The following FUT1 variants were observed in gnomAD, a reference collection of about 807,000 sequenced individuals.
The protein encoded by FUT1 is galactoside alpha-(1,2)-fucosyltransferase 1.
For synonymous variants in FUT1, 215 were observed against 208.7 expected, an observed-to-expected ratio of 1.03 and a Z score of -0.26; for missense variants, 476 against 492.7, an observed-to-expected ratio of 0.97 and a Z score of 0.32.
At position 48,750,739 on chromosome 19, in the gene FUT1, G is replaced by A. The variant is rs2033985961; in HGVS notation, c.543C>T (p.Ile181=). The change falls in exon 2 of 2, where the codon ATC becomes ATT. Residue 181 remains isoleucine, a synonymous_variant. Coordinates refer to ENST00000645652, the MANE Select transcript of FUT1 (RefSeq NM_001384359.1). ...GGTCGTGCAGGGTGAACTCTCTGCG[G>A]ATCTGTTCCCGGAGATGGTGGAAGA... The part of the protein sequence containing the change: ...WTFFHHLREQ[I]RREFTLHDHL... The A allele has an allele frequency of 1.9e-6, 3 of 1,613,782 alleles. No homozygotes were observed. In the East Asian group the frequency reaches 6.7e-5, roughly 36 times the overall value.
chr19:48,751,359 G>A (rs2034001587), intron 1 of FUT1, 76 bp from the exon 2 acceptor site: 1 of 1,490,764 alleles, frequency 6.7e-7, no homozygotes, highest in Non-Finnish European at 9.2e-7. Context: ...GTGGGGTAAG[G>A]GAGGCGCCTG....
At position 48,752,396 on chromosome 19, in the gene FUT1, A is replaced by G; in HGVS notation, c.-3+94T>C. ...TGGCGGAGATTCCTAGGGCCTTAGG[A>G]AGACCTGGAGAAGAGGTTGGGGGTG... On this transcript the variant is annotated intron_variant, in intron 1 of 1. Coordinates refer to ENST00000645652, the MANE Select transcript of FUT1 (RefSeq NM_001384359.1). The surrounding 1 kb of genome is among the most constrained non-coding windows in gnomAD (Gnocchi z 4.3). 1.3e-6 allele frequency: 1 copy of G among 796,148 alleles called. No homozygotes were observed. The highest frequency in any genetic ancestry group is 1.5e-6 in the Non-Finnish European group (1 of 656,826). 49.3% of individuals were successfully genotyped at this position (796,148 alleles called of 1,614,324 possible).
rs150453456 is a variant in FUT1, at chr19:48,749,614, CAAA to C, written c.*567_*569del. 0.21 allele frequency: 22,225 copies of C among 105,592 alleles called. 1,636 individuals are homozygous for C. The highest frequency in any genetic ancestry group is 0.37 in the East Asian group (1,366 of 3,728). The allele number at this position is 105,592 out of a possible 1,614,324, so 6.5% of individuals were successfully genotyped here. On this transcript the variant is annotated 3_prime_UTR_variant, in exon 2 of 2. Transcript: ENST00000645652. ...GGGCAACAGAGCGAGACCCTGTCTC[CAAA>C]AAAAAAAAAAAAAAACTAAAAAGAT...
chr19:48,753,458 A>G (rs188201000), upstream of FUT1: 1 of 152,404 alleles, frequency 6.6e-6, no homozygotes, highest in East Asian at 1.9e-4. Context: ...ACCTAATTAA[A>G]GCATTTTCTC....
chr19:48,752,832 G>C, upstream of FUT1: 1 of 985,486 alleles, frequency 1.0e-6, no homozygotes, highest in Non-Finnish European at 1.2e-6. This position sits in a 1 kb window ranked among gnomAD's most constrained non-coding sequence, Gnocchi z 4.3. Context: ...GCAGGGGACC[G>C]CGCCCTGCCC....
rs752422438 is a variant in FUT1, at chr19:48,750,203, C to CAG, written c.1077_1078dup (p.Trp360SerfsTer16). 1 of 1,610,334 alleles carries CAG rather than the reference C, an allele frequency of 6.2e-7. No homozygotes were observed. Among genetic ancestry groups the CAG allele is most frequent in the African/African-American group, 1.3e-5 (1 of 74,842 alleles). ...TGGCTCTCAAGGCTTAGCCAATGTC[C>CAG]AGAGTGGAGACAAGTCTGCATTAAT... On this transcript the variant is annotated frameshift_variant, in exon 2 of 2. Coordinates refer to ENST00000645652, the MANE Select transcript of FUT1 (RefSeq NM_001384359.1). LOFTEE classifies it low-confidence loss of function (END_TRUNC).
chr19:48,749,938 T>A lies in FUT1; in HGVS notation c.*246A>T, dbSNP rs1188662323. ...GTAGATATGGGCTGGGAAGAGCAGG[T>A]GGGCACTGTGGCTTCTAGAACTGCC... On this transcript the variant is annotated 3_prime_UTR_variant, in exon 2 of 2. Transcript: ENST00000645652. 1 of 555,172 alleles carries A rather than the reference T, an allele frequency of 1.8e-6. No individual in the cohort carries two copies. The allele number at this position is 555,172 out of a possible 1,614,324, so 34.4% of individuals were successfully genotyped here.
Position 48,751,201 on chromosome 19 carries a change from G to A in FUT1, c.81C>T (p.Ile27=), listed in dbSNP as rs757919547. Residue 27 remains isoleucine, a synonymous_variant, in exon 2 of 2, where the codon ATC becomes ATT. Coordinates refer to ENST00000645652, the MANE Select transcript of FUT1 (RefSeq NM_001384359.1). ...CVLSVIFFLH[I]HQDSFPHGLG... ...GGCCATGTGGAAAGCTGTCTTGATGGATATGGAGGAAGAAGATTACAGAGA... is the reference window on the plus strand; with the variant it reads ...GGCCATGTGGAAAGCTGTCTTGATGAATATGGAGGAAGAAGATTACAGAGA... 6.2e-7 allele frequency: 1 copy of A among 1,614,206 alleles called. No homozygotes were observed. Among genetic ancestry groups the A allele is most frequent in the Non-Finnish European group, 8.5e-7 (1 of 1,180,036 alleles).
Position 48,752,537 on chromosome 19 carries a change from G to A in FUT1, c.-50C>T, listed in dbSNP as rs1006387825. 1.0e-6 allele frequency: 1 copy of A among 985,452 alleles called. No homozygotes were observed. Among genetic ancestry groups the A allele is most frequent in the South Asian group, 4.7e-5 (1 of 21,294 alleles). The allele number at this position is 985,452 out of a possible 1,614,324, so 61.0% of individuals were successfully genotyped here. A position where few individuals can be genotyped will look rare whatever the true frequency, so the allele number is the denominator to read the frequency against. On this transcript the variant is annotated 5_prime_UTR_variant, in exon 1 of 2. Coordinates refer to ENST00000645652, the MANE Select transcript of FUT1 (RefSeq NM_001384359.1). This position sits in a 1 kb window ranked among gnomAD's most constrained non-coding sequence, Gnocchi z 4.3. ...ATCCACAGTCCGCTTTTCGTGGCCG[G>A]AGCGCACCCTCCGCAAAGGCAGGCC...
rs1568490644 is a variant in FUT1 at position 48,750,725 on chromosome 19, GTGAACTCTC to G, written c.548_556del (p.Arg183_Phe185del). The stretch of plus-strand genomic sequence containing the variant: ...CTCTTCCCGAAGGTGGTCGTGCAGG[GTGAACTCTC>G]TGCGGATCTGTTCCCGGAGATGGTG... On this transcript the variant is annotated inframe_deletion, in exon 2 of 2. Coordinates refer to ENST00000645652, the MANE Select transcript of FUT1 (RefSeq NM_001384359.1). 6.2e-7 allele frequency: 1 copy of G among 1,613,638 alleles called. No homozygotes were observed. The highest frequency in any genetic ancestry group is 8.5e-7 in the Non-Finnish European group (1 of 1,179,992).
chr19:48,752,097 G>A lies in FUT1; in HGVS notation c.-3+393C>T, dbSNP rs1388315356. On this transcript the variant is annotated intron_variant, in intron 1 of 1. Transcript: ENST00000645652. The surrounding 1 kb of genome is among the most constrained non-coding windows in gnomAD (Gnocchi z 4.3). Reference sequence around the variant, plus strand: ...TGCACTCCAGCTTGCGCGACAGAGAGGGACCCTGTCTTAAAAAAAAAAAAA... The same window carrying A: ...TGCACTCCAGCTTGCGCGACAGAGAAGGACCCTGTCTTAAAAAAAAAAAAA... Among the ~76,000 whole-genome samples, 1 of 140,730 alleles carries A rather than the reference G, an allele frequency of 7.1e-6. No homozygotes were observed. The highest frequency in any genetic ancestry group is 1.5e-5 in the Non-Finnish European group (1 of 66,122). The allele number at this position is 140,730 out of a possible 152,430, so 92.3% of individuals were successfully genotyped here.
rs924183634 is a variant in FUT1 at position 48,750,492 on chromosome 19, C to T, written c.790G>A (p.Gly264Ser). Residue 264 changes from glycine (G) to serine (S), a missense_variant, in exon 2 of 2, where the codon GGC (glycine) becomes AGC (serine). By Grantham distance (56) the Gly-to-Ser change is moderately conservative. Coordinates refer to ENST00000645652, the MANE Select transcript of FUT1 (RefSeq NM_001384359.1). Reference protein sequence around the residue: ...EAPVFVVTSNGMEWCKENIDT... With the variant: ...EAPVFVVTSNSMEWCKENIDT... ...ATGTTTTCTTTACACCACTCCATGC[C>T]GTTGCTGGTGACCACGAAAACGGGG... 2 of 1,614,024 alleles carry T rather than the reference C, an allele frequency of 1.2e-6. No homozygotes were observed. The highest frequency in any genetic ancestry group is 1.7e-6 in the Non-Finnish European group (2 of 1,180,046).
At chr19:48,754,124 T>G (rs1599767864), upstream of FUT1, among the ~76,000 whole-genome samples, 1 of 146,280 alleles carries the variant, frequency 6.8e-6, no homozygotes, top group East Asian at 2.0e-4. Flanking sequence ...AGGCGGAGAT[T>G]GCAGTGAGCC....
chr19:48,750,874 G>C lies in FUT1; in HGVS notation c.408C>G (p.Asp136Glu). Residue 136 changes from aspartate to glutamate, a missense_variant, in exon 2 of 2, where the codon GAC becomes GAG. Coordinates refer to ENST00000645652, the MANE Select transcript of FUT1 (RefSeq NM_001384359.1). ...GCAGCTCCCGCCACGGCGTGCGGCTGTCCACTTCTGGGGCCAGCACGGGCA... is the reference window on the plus strand; with the variant it reads ...GCAGCTCCCGCCACGGCGTGCGGCTCTCCACTTCTGGGGCCAGCACGGGCA... ...ITLPVLAPEV[D>E]SRTPWRELQL... The C allele has an allele frequency of 1.2e-6, 2 of 1,613,824 alleles. No individual in the cohort carries two copies. Among genetic ancestry groups the C allele is most frequent in the South Asian group, 1.1e-5 (1 of 91,090 alleles).
Position 48,750,953 on chromosome 19 carries a change from G to T in FUT1, c.329C>A (p.Ala110Asp). ...LALAQLNGRR[A>D]FILPAMHAAL... is the part of the protein sequence containing the mutation. ...GGCATGCATGGCAGGCAGGATAAAG[G>T]CCCGGCGGCCGTTGAGCTGGGCCAG... The change falls in exon 2 of 2, where the codon GCC (alanine) becomes GAC (aspartate). Residue 110 changes from alanine (A) to aspartate (D), a missense_variant. By Grantham distance (126) the Ala-to-Asp change is moderately radical. Coordinates refer to ENST00000645652, the MANE Select transcript of FUT1 (RefSeq NM_001384359.1). 1.2e-6 allele frequency: 2 copies of T among 1,606,010 alleles called. No individual in the cohort carries two copies. Among genetic ancestry groups the T allele is most frequent in the Non-Finnish European group, 8.5e-7 (1 of 1,174,936 alleles).
chr19:48,751,962 T>C (rs1329516855), intron 1 of FUT1, among the ~76,000 whole-genome samples: 3 of 148,198 alleles, frequency 2.0e-5, no homozygotes, highest in Admixed American at 6.6e-5. Flanking sequence ...CAAAAAAAAA[T>C]AAATAAAATT....
At chr19:48,751,412 G>A in intron 1 of FUT1, 129 bp from the exon 2 acceptor site, 1 of 984,256 alleles carries the variant, frequency 1.0e-6, no homozygotes, top group South Asian at 1.4e-5. Flanking sequence ...GAAGTTAAAG[G>A]TTTAGACTCC....
rs778160774 is a variant in FUT1 at position 48,750,507 on chromosome 19, C to T, written c.775G>A (p.Val259Met). ...CACTCCATGCCGTTGCTGGTGACCA[C>T]GAAAACGGGGGCTTCGTGCCGTGCC... ...FRARHEAPVFVVTSNGMEWCK... is the reference protein window; with the variant it reads ...FRARHEAPVFMVTSNGMEWCK... The change falls in exon 2 of 2, where the codon GTG becomes ATG. Residue 259 changes from valine to methionine, a missense_variant. Transcript: ENST00000645652. 1 of 1,614,018 alleles carries T rather than the reference C, an allele frequency of 6.2e-7. No individual in the cohort carries two copies. The highest frequency in any genetic ancestry group is 1.1e-5 in the South Asian group (1 of 91,088).
intron 1 of FUT1, 80 bp from the exon 2 acceptor site, chr19:48,751,363 G>A: frequency 1.4e-6 from 2 of 1,462,596 alleles, no homozygotes; most frequent in South Asian, 1.2e-5. Context: ...GGTAAGGGAG[G>A]CGCCTGGGGT....
Sources: gnomAD v4.1 joint callset for allele counts (sites outside exome capture counted in the v4.1 genomes callset) on GRCh38, gnomAD v4.1.1 for gene constraint, Gnocchi (gnomAD v3.1) non-coding constraint, MANE v1.5 for transcripts, NCBI Gene and HGNC (gene_info 2026-07-23, HGNC 2026-07-21) for gene names.